The following KCNIP4 variants were observed in gnomAD, a reference collection of about 807,000 sequenced individuals.
The protein encoded by KCNIP4 is Kv channel-interacting protein 4.
A neutral mutation model predicts 34.0 loss-of-function variants in KCNIP4; 12 were observed. The ratio of observed to expected loss-of-function variants is 0.35; its 90% CI spans 0.23 to 0.57. The LOEUF (loss-of-function observed/expected upper bound fraction) is 0.57, where lower values mean the gene tolerates loss of function less well. KCNIP4 is among the 20% of genes least tolerant of loss of function. The probability of loss-of-function intolerance (pLI) is 0.83; values close to 1 mark genes in which losing one functional copy is unlikely to be tolerated. For missense variants in KCNIP4, 238 were observed against 311.7 expected (o/e 0.76, Z 1.78); for synonymous variants, 124 against 102.2 (o/e 1.21, Z -1.29).
chr4:21,038,342 A>G (rs1262324492), intron 1 of KCNIP4, among the ~76,000 whole-genome samples: 1 of 152,176 alleles, frequency 6.6e-6, no homozygotes, highest in Non-Finnish European at 1.5e-5. Flanking sequence ...TAACCCAAAG[A>G]TTCCATTATC....
chr4:21,381,887 A>G (rs1721544019), intron 1 of KCNIP4, among the ~76,000 whole-genome samples: 1 of 152,196 alleles, frequency 6.6e-6, no homozygotes, highest in Non-Finnish European at 1.5e-5. Context: ...AGTAACTCCC[A>G]CATATCACCA....
intron 1 of KCNIP4, among the ~76,000 whole-genome samples, chr4:21,435,524 G>T (rs1726871391): frequency 6.6e-6 from 1 of 152,102 alleles, no homozygotes. Context: ...TAATTAAAAT[G>T]ATTAACAATA....
chr4:21,519,520 A>ATGTGTG (rs1254479570), intron 1 of KCNIP4, among the ~76,000 whole-genome samples: 1 of 60,930 alleles, frequency 1.6e-5, no homozygotes, highest in Non-Finnish European at 3.9e-5. Context: ...ATATACACAT[A>ATGTGTG]TGTGTGTATG....
In KCNIP4 at chr4:21,367,222, T is replaced by A. The variant is rs184913694; in HGVS notation, c.62-484513A>T. Among the ~76,000 whole-genome samples the A allele has an allele frequency of 5.9e-5, 9 of 152,274 alleles. No individual in the cohort carries two copies. In the East Asian group the frequency reaches 1.7e-3, roughly 29 times the overall value. On this transcript the variant is annotated intron_variant, in intron 1 of 8. Transcript: ENST00000382152. ...CAAATTACCCAGTCTCAGGTTTTTT[T>A]TGTTGTAGCAGCATGAATAGACTAA...
chr4:21,104,252 C>T lies in KCNIP4; in HGVS notation c.62-221543G>A, dbSNP rs185766590. On this transcript the variant is annotated intron_variant, in intron 1 of 8. Coordinates refer to ENST00000382152, the MANE Select transcript of KCNIP4 (RefSeq NM_025221.6). Reference sequence around the variant, plus strand: ...CTATTTCTCCACATCCTCTCCAGCACCTGTTTTTTCCTGACATTTTAATGA... The same window carrying T: ...CTATTTCTCCACATCCTCTCCAGCATCTGTTTTTTCCTGACATTTTAATGA... 4.5e-3 allele frequency among the ~76,000 whole-genome samples: 685 copies of T among 151,936 alleles called. 3 individuals are homozygous for T. The highest frequency in any genetic ancestry group is 7.5e-3 in the Non-Finnish European group (511 of 67,970).
At chr4:21,172,807 T>A (rs1022359739) in intron 1 of KCNIP4, among the ~76,000 whole-genome samples, 8 of 152,162 alleles carry the variant, frequency 5.3e-5, no homozygotes, top group African/African-American at 1.9e-4. Context: ...TATCTATAAG[T>A]CAATCAGGCT....
At chr4:21,556,920 C>CAAAA (rs1281543089) in intron 1 of KCNIP4, among the ~76,000 whole-genome samples, 11 of 35,580 alleles carry the variant, frequency 3.1e-4, no homozygotes, top group African/African-American at 9.4e-4. Context: ...GACTCCATCT[C>CAAAA]AGAAAAAAAA....
intron 1 of KCNIP4, among the ~76,000 whole-genome samples, chr4:21,837,422 C>G (rs1408699690): frequency 6.7e-6 from 1 of 148,728 alleles, no homozygotes; most frequent in Non-Finnish European, 1.5e-5. Flanking sequence ...GTAATCCCAG[C>G]TACTCAGAAG....
At chr4:21,000,325 A>T (rs1738006841) in intron 1 of KCNIP4, among the ~76,000 whole-genome samples, 1 of 152,138 alleles carries the variant, frequency 6.6e-6, no homozygotes, top group Non-Finnish European at 1.5e-5. Context: ...AAGATAGAGT[A>T]ATATTTTAAA....
chr4:21,385,718 T>A (rs1489026074), intron 1 of KCNIP4, among the ~76,000 whole-genome samples: 1 of 152,130 alleles, frequency 6.6e-6, no homozygotes, highest in East Asian at 1.9e-4. Context: ...GGTACTAGAT[T>A]GTGGCCGTGA....
intron 1 of KCNIP4, among the ~76,000 whole-genome samples, chr4:21,804,036 G>C (rs1461219363): frequency 6.6e-6 from 1 of 152,192 alleles, no homozygotes; most frequent in Non-Finnish European, 1.5e-5. Context: ...ATTAAGAGGG[G>C]CTTGGTACAA....
At chr4:21,609,514 G>A (rs1743986061) in intron 1 of KCNIP4, among the ~76,000 whole-genome samples, 1 of 152,156 alleles carries the variant, frequency 6.6e-6, no homozygotes, top group Non-Finnish European at 1.5e-5. Context: ...CTGAATTGCT[G>A]ACTACAGGGC....
At chr4:21,572,229 C>T (rs1740416684) in intron 1 of KCNIP4, among the ~76,000 whole-genome samples, 2 of 152,106 alleles carry the variant, frequency 1.3e-5, no homozygotes, top group African/African-American at 4.8e-5. Context: ...TGTGTTTTGG[C>T]TCTGTGATGT....
intron 1 of KCNIP4, among the ~76,000 whole-genome samples, chr4:21,872,295 C>A (rs1471646022): frequency 6.6e-6 from 1 of 152,136 alleles, no homozygotes; most frequent in Non-Finnish European, 1.5e-5. Context: ...GAACGCCTGG[C>A]ATTCATCATT....
chr4:20,898,662 A>G (rs79815928), intron 1 of KCNIP4, among the ~76,000 whole-genome samples: 1,894 of 152,294 alleles, frequency 0.012, 41 homozygotes, highest in African/African-American at 0.044. Context: ...GCACCTAAGT[A>G]TCTGGGACAT....
intron 1 of KCNIP4, among the ~76,000 whole-genome samples, chr4:21,909,483 T>C (rs1305665717): frequency 6.6e-6 from 1 of 152,100 alleles, no homozygotes; most frequent in Non-Finnish European, 1.5e-5. Context: ...AATCCAGTTA[T>C]TACTTTCTGC....
chr4:21,318,605 C>T (rs2109294281), intron 1 of KCNIP4, among the ~76,000 whole-genome samples: 1 of 152,138 alleles, frequency 6.6e-6, no homozygotes, highest in East Asian at 1.9e-4. Flanking sequence ...ATTGTACCAC[C>T]AAATAGTGGA....
chr4:21,263,521 C>T (rs995503269), intron 1 of KCNIP4, among the ~76,000 whole-genome samples: 7 of 152,134 alleles, frequency 4.6e-5, no homozygotes, highest in Non-Finnish European at 1.0e-4. Context: ...GGGCCAAATC[C>T]TAGAATGTTA....
chr4:21,739,393 G>C (rs1008781329), intron 1 of KCNIP4, among the ~76,000 whole-genome samples: 6 of 151,978 alleles, frequency 3.9e-5, no homozygotes, highest in African/African-American at 1.4e-4. Context: ...TTCAGGATTT[G>C]AAAATTGAAT....
Sources: gnomAD v4.1 joint callset for allele counts (sites outside exome capture counted in the v4.1 genomes callset) on GRCh38, gnomAD v4.1.1 for gene constraint, MANE v1.5 for transcripts, NCBI Gene and HGNC (gene_info 2026-07-23, HGNC 2026-07-21) for gene names.